POR: variants seen among roughly 807,000 people sequenced by gnomAD.
POR encodes NADPH--cytochrome P450 reductase.
POR carries 56 observed loss-of-function variants against 84.0 expected under a neutral mutation model. That is an observed-to-expected ratio of 0.67 (90% confidence interval 0.54 to 0.83). The LOEUF (loss-of-function observed/expected upper bound fraction) is 0.83. POR is among the 40% of genes least tolerant of loss of function. The pLI, the probability that POR is intolerant of heterozygous loss-of-function variation, is 0.00. For synonymous variants in POR, 414 were observed against 400.5 expected, an observed-to-expected ratio of 1.03 and a Z score of -0.40; for missense variants, 938 against 944.3, an observed-to-expected ratio of 0.99 and a Z score of 0.09.
At chr7:75,982,076 T>G in intron 7 of POR, 148 bp from the exon 8 acceptor site, 1 of 659,698 alleles carries the variant, frequency 1.5e-6, no homozygotes, top group South Asian at 1.7e-5. Context: ...TCCTTGTGCA[T>G]CTGCAGCAGG....
intron 1 of POR, chr7:75,943,953 T>TA (rs781829440): frequency 3.6e-3 from 1,469 of 405,342 alleles, no homozygotes; most frequent in South Asian, 5.4e-3. Flanking sequence ...ATTATCAACT[T>TA]AAAAAAAAAA....
chr7:75,943,394 G>A (rs1446698057), intron 1 of POR, among the ~76,000 whole-genome samples: 2 of 152,210 alleles, frequency 1.3e-5, no homozygotes, highest in Non-Finnish European at 2.9e-5. Context: ...CTGAACTGCT[G>A]TATGGTAGGC....
At chr7:75,982,423 T>G in intron 8 of POR, 101 bp downstream of exon 8, 3 of 989,070 alleles carry the variant, frequency 3.0e-6, no homozygotes, top group Non-Finnish European at 4.6e-6. Context: ...AGGGCCCTTC[T>G]CACCAGACCC....
Position 75,984,837 on chromosome 7 carries a change from A to G in POR, c.1127A>G (p.Tyr376Cys). ...ACGTCCTACCGCACGGCCCTCACCT[A>G]CTACCTGGACATCACCAACCCGCCG... is the stretch of plus-strand genomic sequence containing the variant. Residue 376 changes from tyrosine (Y) to cysteine (C), a missense_variant, in exon 11 of 16, where the codon TAC becomes TGC. Tyr to Cys is a radical substitution (Grantham distance 194). Coordinates refer to ENST00000461988, the MANE Select transcript of POR (RefSeq NM_000941.3). 2 of 1,612,392 alleles carry G rather than the reference A, an allele frequency of 1.2e-6. No individual in the cohort carries two copies. The highest frequency in any genetic ancestry group is 1.7e-6 in the Non-Finnish European group (2 of 1,179,736).
intron 6 of POR, 34 bp from the exon 7 acceptor site, chr7:75,981,483 C>G (rs1554557904): frequency 1.3e-6 from 2 of 1,587,872 alleles, no homozygotes; most frequent in Non-Finnish European, 8.6e-7. Context: ...TGGGCCTCCC[C>G]TGAGCCGCTC....
Position 75,981,113 on chromosome 7 carries a change from G to A in POR, c.582G>A (p.Arg194=). The A allele has an allele frequency of 1.3e-6, 2 of 1,564,710 alleles. No individual in the cohort carries two copies. Among genetic ancestry groups the A allele is most frequent in the Non-Finnish European group, 1.7e-6 (2 of 1,155,658 alleles). ...CCATGGGCAAGTACGTGGACAAGCGGCTGGAGCAGCTCGGCGCCCAGCGCA... is the reference window on the plus strand; with the variant it reads ...CCATGGGCAAGTACGTGGACAAGCGACTGGAGCAGCTCGGCGCCCAGCGCA... Residue 194 remains arginine, a synonymous_variant, in exon 6 of 16, where the codon CGG becomes CGA. Coordinates refer to ENST00000461988, the MANE Select transcript of POR (RefSeq NM_000941.3).
At chr7:75,980,533 G>A (rs782811067) in intron 5 of POR, 45 bp downstream of exon 5, 5 of 1,612,610 alleles carry the variant, frequency 3.1e-6, no homozygotes, top group Non-Finnish European at 4.2e-6. Context: ...GGCCTGCGGT[G>A]CCTCCCTGGG....
rs1554559127 is a variant in POR, at chr7:75,985,713, G to C, written c.1533G>C (p.Leu511=). The change falls in exon 13 of 16, where the codon CTG becomes CTC. Residue 511 remains leucine (L), a synonymous_variant. Coordinates refer to ENST00000461988, the MANE Select transcript of POR (RefSeq NM_000941.3). Reference sequence around the variant, plus strand: ...CCGGGGAGAACGGCGGCCGTGCGCTGGTGCCCATGTTCGTGCGCAAGTCCC... The same window carrying C: ...CCGGGGAGAACGGCGGCCGTGCGCTCGTGCCCATGTTCGTGCGCAAGTCCC... 1 of 1,587,978 alleles carries C rather than the reference G, an allele frequency of 6.3e-7. No homozygotes were observed. The highest frequency in any genetic ancestry group is 1.3e-5 in the African/African-American group (1 of 74,574).
intron 2 of POR, among the ~76,000 whole-genome samples, chr7:75,958,602 C>T (rs1787788986): frequency 6.6e-6 from 1 of 152,110 alleles, no homozygotes; most frequent in Non-Finnish European, 1.5e-5. Flanking sequence ...TCTGCAAGCT[C>T]CACAAGCCAT....
chr7:75,979,855 C>T (rs1563429450), intron 4 of POR: 1 of 442,764 alleles, frequency 2.3e-6, no homozygotes, highest in African/African-American at 2.0e-5. Flanking sequence ...GCCACATCTC[C>T]CAAACCAAAC....
Position 75,985,590 on chromosome 7 carries a change from C to A in POR, c.1410C>A (p.Asn470Lys). The A allele has an allele frequency of 6.4e-7, 1 of 1,555,672 alleles. No individual in the cohort carries two copies. Among genetic ancestry groups the A allele is most frequent in the South Asian group, 1.2e-5 (1 of 82,170 alleles). The stretch of plus-strand genomic sequence containing the variant: ...GGCCCTCCCCACAGGTCCACCCCAA[C>A]TCTGTGCACATCTGTGCGGTGGTTG... Residue 470 changes from asparagine (N) to lysine (K), a missense_variant, in exon 13 of 16, where the codon AAC (asparagine) becomes AAA (lysine). Physicochemically the swap from Asn to Lys is moderately conservative, Grantham distance 94. Transcript: ENST00000461988.
At chr7:75,934,989 C>T (rs1208184924) in intron 1 of POR, among the ~76,000 whole-genome samples, 7 of 152,098 alleles carry the variant, frequency 4.6e-5, no homozygotes, top group Non-Finnish European at 8.8e-5. Context: ...CTCACTGGGG[C>T]ACTGCCTAGT....
intron 1 of POR, among the ~76,000 whole-genome samples, chr7:75,916,032 C>T (rs1258576460): frequency 6.6e-6 from 1 of 152,152 alleles, no homozygotes; most frequent in African/African-American, 2.4e-5. Flanking sequence ...TGCCTTGCCT[C>T]TGAGCTTGGC....
intron 3 of POR, among the ~76,000 whole-genome samples, chr7:75,975,905 G>A (rs782646146): frequency 7.2e-6 from 1 of 139,472 alleles, no homozygotes; most frequent in Non-Finnish European, 1.5e-5. Context: ...TCCTGGTGTG[G>A]CCTCCCAGGG....
Position 75,986,698 on chromosome 7 carries a change from C to G in POR, c.*217C>G. The stretch of plus-strand genomic sequence containing the variant: ...ACAGCCCAGGGCCTGCATGGGGGCA[C>G]CGGGCTCCATGCCTCTGGAGGCCTC... On this transcript the variant is annotated 3_prime_UTR_variant, in exon 16 of 16. Coordinates refer to ENST00000461988, the MANE Select transcript of POR (RefSeq NM_000941.3). 1 of 626,378 alleles carries G rather than the reference C, an allele frequency of 1.6e-6. No homozygotes were observed. Among genetic ancestry groups the G allele is most frequent in the Non-Finnish European group, 2.8e-6 (1 of 363,158 alleles). The allele number at this position is 626,378 out of a possible 1,614,324, so 38.8% of individuals were successfully genotyped here. A position where few individuals can be genotyped will look rare whatever the true frequency, so the allele number is the denominator to read the frequency against.
At chr7:75,972,982 C>T (rs1788508625) in intron 3 of POR, among the ~76,000 whole-genome samples, 1 of 152,042 alleles carries the variant, frequency 6.6e-6, no homozygotes, top group Admixed American at 6.6e-5. Context: ...GCCACCACGC[C>T]CAGCTAATTT....
At chr7:75,923,241 C>A in intron 1 of POR, 1 of 1,134,504 alleles carries the variant, frequency 8.8e-7, no homozygotes, top group Non-Finnish European at 1.3e-6. Context: ...CCTGGGAAAG[C>A]TTGGTGTCTT....
chr7:75,949,772 G>A (rs573738064), intron 1 of POR, among the ~76,000 whole-genome samples: 70 of 152,092 alleles, frequency 4.6e-4, no homozygotes, highest in African/African-American at 1.6e-3. Flanking sequence ...CACCTGCCTC[G>A]GCCTCCCAAA....
rs139037731 is a variant in POR at position 75,940,169 on chromosome 7, C to T, written c.-4-13820C>T. On this transcript the variant is annotated intron_variant, in intron 1 of 15. Coordinates refer to ENST00000461988, the MANE Select transcript of POR (RefSeq NM_000941.3). The stretch of plus-strand genomic sequence containing the variant: ...TGTCATCTTGGCTCACTGCAGCCTC[C>T]GCCTCCTGGGTTCAAGTGATTCTCC... 2.4e-3 allele frequency among the ~76,000 whole-genome samples: 363 copies of T among 152,136 alleles called. 1 individual carries two copies. The highest frequency in any genetic ancestry group is 0.021 in the Middle Eastern group (6 of 292).
Sources: gnomAD v4.1 joint callset for allele counts (sites outside exome capture counted in the v4.1 genomes callset) on GRCh38, gnomAD v4.1.1 for gene constraint, MANE v1.5 for transcripts, NCBI Gene and HGNC (gene_info 2026-07-23, HGNC 2026-07-21) for gene names.